HNF4G: variants seen among roughly 807,000 people sequenced by gnomAD.
HNF4G encodes hepatocyte nuclear factor 4-gamma.
In HNF4G, 21 loss-of-function variants were observed where a neutral mutation model predicts 50.9. The observed-to-expected ratio is 0.41, with a 90% CI of 0.29 to 0.59. The LOEUF is 0.59. HNF4G is among the 20% of genes least tolerant of loss of function. The probability of loss-of-function intolerance (pLI) is 0.26; values close to 1 mark genes in which losing one functional copy is unlikely to be tolerated. For missense variants in HNF4G, 527 were observed against 559.4 expected (o/e 0.94, Z 0.58); for synonymous variants, 198 against 185.6 (o/e 1.07, Z -0.54).
chr8:75,550,359 C>T (rs1046784656), intron 3 of HNF4G, among the ~76,000 whole-genome samples: 2 of 151,866 alleles, frequency 1.3e-5, no homozygotes, highest in Non-Finnish European at 2.9e-5. Context: ...GTCACTCAGG[C>T]TGGTGTGCAG....
chr8:75,506,217 T>G (rs542611133), intron 2 of HNF4G, among the ~76,000 whole-genome samples: 45 of 152,002 alleles, frequency 3.0e-4, no homozygotes, highest in Admixed American at 9.2e-4. Flanking sequence ...AAATCGAAGA[T>G]TTAGTGATTT....
chr8:75,542,925 G>T lies in HNF4G; in HGVS notation c.119-886G>T, dbSNP rs979923481. Among the ~76,000 whole-genome samples, 4 of 152,280 alleles carry T rather than the reference G, an allele frequency of 2.6e-5. No homozygotes were observed. The East Asian group carries it at 7.7e-4, about 29-fold the overall frequency. ...TTTCAGGCCAGGCGCAGTGGCTCAC[G>T]CCTATAATTTCAGCACTTTGGGATT... On this transcript the variant is annotated intron_variant, in intron 1 of 9. Coordinates refer to ENST00000396423, the MANE Select transcript of HNF4G (RefSeq NM_004133.5).
chr8:75,493,041 A>G (rs542885173), intron 2 of HNF4G, among the ~76,000 whole-genome samples: 2 of 137,402 alleles, frequency 1.5e-5, no homozygotes, highest in South Asian at 2.3e-4. Context: ...ATATACACTC[A>G]CACACATAAA....
At position 75,543,965 on chromosome 8, in the gene HNF4G, C is replaced by A. The variant is rs1310947690; in HGVS notation, c.273C>A (p.His91Gln). Residue 91 changes from histidine to glutamine, a missense_variant, in exon 2 of 10, where the codon CAC becomes CAA. Coordinates refer to ENST00000396423, the MANE Select transcript of HNF4G (RefSeq NM_004133.5). ...TCAGACGCAGCATTCGTAAGAGTCA[C>A]GTTTATTCTTGCAGGTACTTTAAAT... is the stretch of plus-strand genomic sequence containing the variant. ...GFFRRSIRKS[H>Q]VYSCRFSRQC... 3 of 1,585,352 alleles carry A rather than the reference C, an allele frequency of 1.9e-6. No homozygotes were observed. Among genetic ancestry groups the A allele is most frequent in the East Asian group, 4.5e-5 (2 of 44,130 alleles).
rs548125507 is a variant in HNF4G, at chr8:75,423,815, C to CTTTTTTTTTTTTT, written c.-144+15668_-144+15680dup. ...TTGAAACTTTCTGCCAAGTTTCTTT[C>CTTTTTTTTTTTTT]TTTTTTTTTTTTTTTTTTTTTTTTT... On this transcript the variant is annotated intron_variant, in intron 1 of 10. Coordinates refer to the HNF4G transcript ENST00000354370. Among the ~76,000 whole-genome samples the CTTTTTTTTTTTTT allele has an allele frequency of 9.8e-5, 7 of 71,212 alleles. 1 individual carries two copies. Among genetic ancestry groups the CTTTTTTTTTTTTT allele is most frequent in the Non-Finnish European group, 1.5e-4 (6 of 40,530 alleles). The allele number at this position is 71,212 out of a possible 152,430, so 46.7% of individuals were successfully genotyped here.
intron 2 of HNF4G, among the ~76,000 whole-genome samples, chr8:75,497,957 T>TTTTAATATCAAA (rs1302660063): frequency 2.0e-4 from 30 of 152,200 alleles, no homozygotes; most frequent in African/African-American, 7.0e-4. Context: ...CCTACTGAAA[T>TTTTAATATCAAA]TTTTAAAATA....
rs532405269 is a variant in HNF4G at position 75,449,802 on chromosome 8, C to T, written c.-143-40287C>T. Among the ~76,000 whole-genome samples, 189 of 152,168 alleles carry T rather than the reference C, an allele frequency of 1.2e-3. 2 individuals carry two copies. The highest frequency in any genetic ancestry group is 1.0e-3 in the Non-Finnish European group (69 of 68,010). On this transcript the variant is annotated intron_variant, in intron 1 of 10. Transcript: ENST00000354370. ...GATTACAGGCATGAGCCACCGCGCC[C>T]GGCCTATCTCAATAATATTTTTTGT...
intron 1 of HNF4G, among the ~76,000 whole-genome samples, chr8:75,448,632 G>C (rs975883137): frequency 6.6e-6 from 1 of 151,676 alleles, no homozygotes; most frequent in African/African-American, 2.4e-5. Flanking sequence ...GATAAGTACT[G>C]CTGGATACTG....
At chr8:75,558,768 A>C in intron 7 of HNF4G, 33 bp from the exon 8 acceptor site, 2 of 1,593,926 alleles carry the variant, frequency 1.3e-6, no homozygotes, top group Non-Finnish European at 1.7e-6. Flanking sequence ...ATTAGGTTAA[A>C]TCTGTACACT....
chr8:75,552,269 C>T (rs1252939713), intron 4 of HNF4G, among the ~76,000 whole-genome samples: 1 of 151,970 alleles, frequency 6.6e-6, no homozygotes, highest in Non-Finnish European at 1.5e-5. Flanking sequence ...TTGAAGATTG[C>T]TTGATGGGCA....
chr8:75,469,508 T>G (rs1812065638), intron 1 of HNF4G, among the ~76,000 whole-genome samples: 1 of 152,176 alleles, frequency 6.6e-6, no homozygotes, highest in South Asian at 2.1e-4. Context: ...ACTTACTTAA[T>G]TAAAAAGGTT....
chr8:75,414,268 C>T (rs139215186), intron 1 of HNF4G, among the ~76,000 whole-genome samples: 3 of 151,734 alleles, frequency 2.0e-5, no homozygotes, highest in Admixed American at 2.0e-4. Context: ...TACTATGTAC[C>T]CTTTTATGTC....
chr8:75,490,996 G>T (rs1812616624), intron 2 of HNF4G, among the ~76,000 whole-genome samples: 2 of 152,112 alleles, frequency 1.3e-5, no homozygotes, highest in South Asian at 4.1e-4. Context: ...TTATAGTTTG[G>T]AAATCCAAGA....
At chr8:75,489,535 A>G (rs1331024755) in intron 1 of HNF4G, among the ~76,000 whole-genome samples, 1 of 152,164 alleles carries the variant, frequency 6.6e-6, no homozygotes, top group Non-Finnish European at 1.5e-5. Context: ...TTGTATCTGA[A>G]TTTGCCTACT....
At chr8:75,551,290 T>TC in intron 3 of HNF4G, 98 bp from the exon 4 acceptor site, 1 of 642,248 alleles carries the variant, frequency 1.6e-6, no homozygotes. Flanking sequence ...AAAGACTTTT[T>TC]CTCACTTTTT....
chr8:75,473,420 C>G (rs1361384661), intron 1 of HNF4G, among the ~76,000 whole-genome samples: 1 of 152,132 alleles, frequency 6.6e-6, no homozygotes, highest in Non-Finnish European at 1.5e-5. Context: ...ATGTGTGTCT[C>G]ACTGTAAGTC....
chr8:75,454,344 A>G (rs539288033), intron 1 of HNF4G, among the ~76,000 whole-genome samples: 15 of 152,308 alleles, frequency 9.8e-5, no homozygotes, highest in Middle Eastern at 3.4e-3. Context: ...GATAGGTGAT[A>G]CTGAGGGTTA....
At chr8:75,526,542 T>G (rs1806185260) in intron 2 of HNF4G, among the ~76,000 whole-genome samples, 1 of 151,858 alleles carries the variant, frequency 6.6e-6, no homozygotes, top group African/African-American at 2.4e-5. Context: ...CTTCTTCTTC[T>G]TCTTTTTTTG....
At chr8:75,453,408 G>A (rs181454846) in intron 1 of HNF4G, among the ~76,000 whole-genome samples, 2 of 152,308 alleles carry the variant, frequency 1.3e-5, no homozygotes, top group Admixed American at 1.3e-4. Context: ...GCTAGCTAGA[G>A]GTTTGTAAAA....
Sources: gnomAD v4.1 joint callset for allele counts (sites outside exome capture counted in the v4.1 genomes callset) on GRCh38, gnomAD v4.1.1 for gene constraint, MANE v1.5 for transcripts, NCBI Gene and HGNC (gene_info 2026-07-23, HGNC 2026-07-21) for gene names.